Variants in NRG1 observed in about 807,000 individuals in gnomAD.
NRG1 encodes neuregulin 1, also known as pro-neuregulin-1, membrane-bound isoform.
Under a neutral mutation model 63.8 loss-of-function variants are expected in NRG1, and 18 were observed. The ratio of observed to expected loss-of-function variants is 0.28; its 90% CI spans 0.19 to 0.42. The LOEUF is 0.42. Among genes scored for constraint, NRG1 ranks in the 10% least tolerant of loss-of-function variants. The pLI is 1.00. For synonymous variants in NRG1, 302 were observed against 301.3 expected, an observed-to-expected ratio of 1.00 and a Z score of -0.02; for missense variants, 762 against 814.7, an observed-to-expected ratio of 0.94 and a Z score of 0.79.
intron 1 of NRG1, among the ~76,000 whole-genome samples, chr8:31,984,235 T>G (rs1253940466): frequency 6.6e-6 from 1 of 152,124 alleles, no homozygotes; most frequent in East Asian, 1.9e-4. Flanking sequence ...TCTTGAACAA[T>G]GAGCAATGTA....
chr8:32,643,088 G>C (rs896066776), intron 5 of NRG1, among the ~76,000 whole-genome samples: 2 of 152,188 alleles, frequency 1.3e-5, no homozygotes, highest in African/African-American at 2.4e-5. Flanking sequence ...TATTATGAAA[G>C]TGGATCAGAA....
chr8:31,929,488 T>A (rs1834688589), intron 1 of NRG1, among the ~76,000 whole-genome samples: 1 of 151,876 alleles, frequency 6.6e-6, no homozygotes, highest in Non-Finnish European at 1.5e-5. Context: ...TATATATGTA[T>A]AAATAATATA....
chr8:32,500,818 T>A lies in NRG1; in HGVS notation c.38-95010T>A, dbSNP rs558125118. 1.4e-4 allele frequency among the ~76,000 whole-genome samples: 22 copies of A among 152,356 alleles called. No homozygotes were observed. In the East Asian group the frequency reaches 3.9e-3, roughly 27 times the overall value. ...TAGAACATTAAATAACCAGCAAGGTTTCAATCAAAAAGGCCATAAAAATTA... is the reference window on the plus strand; with the variant it reads ...TAGAACATTAAATAACCAGCAAGGTATCAATCAAAAAGGCCATAAAAATTA... On this transcript the variant is annotated intron_variant, in intron 1 of 10. Coordinates refer to the NRG1 transcript ENST00000519301.
chr8:32,678,444 T>C (rs555162778), intron 5 of NRG1, among the ~76,000 whole-genome samples: 1 of 152,186 alleles, frequency 6.6e-6, no homozygotes, highest in Admixed American at 6.6e-5. Context: ...ACATAGACTT[T>C]TTTTTTTCTA....
At chr8:31,808,730 A>G (rs1436933016) in intron 1 of NRG1, among the ~76,000 whole-genome samples, 1 of 152,132 alleles carries the variant, frequency 6.6e-6, no homozygotes, top group Non-Finnish European at 1.5e-5. Flanking sequence ...ACAGGACTTC[A>G]TCCCTAGAAT....
chr8:32,379,757 G>A (rs897617146), intron 1 of NRG1, among the ~76,000 whole-genome samples: 1 of 152,168 alleles, frequency 6.6e-6, no homozygotes, highest in South Asian at 2.1e-4. Context: ...GGGTTGTGTA[G>A]CTGGTTATTG....
intron 1 of NRG1, among the ~76,000 whole-genome samples, chr8:32,167,340 G>T (rs570004890): frequency 4.6e-5 from 7 of 152,172 alleles, no homozygotes; most frequent in South Asian, 2.1e-4. Context: ...ATTTTCATTT[G>T]TTTTATCCAC....
At chr8:31,667,135 T>G (rs1248964743) in intron 1 of NRG1, among the ~76,000 whole-genome samples, 1 of 152,112 alleles carries the variant, frequency 6.6e-6, no homozygotes, top group Admixed American at 6.6e-5. Flanking sequence ...TCATTGCCAG[T>G]TGATGATTGT....
chr8:31,647,794 C>T (rs954130019), intron 1 of NRG1, among the ~76,000 whole-genome samples: 6 of 152,192 alleles, frequency 3.9e-5, no homozygotes, highest in Non-Finnish European at 7.3e-5. Flanking sequence ...AGATGGGTCA[C>T]ATCTTGTCCT....
intron 3 of NRG1, 157 bp from the exon 4 acceptor site, chr8:32,614,357 A>G (rs1159902088): frequency 3.6e-6 from 2 of 555,050 alleles, no homozygotes; most frequent in Non-Finnish European, 3.2e-6. Flanking sequence ...GTCTTTCTGC[A>G]TTTCTCACTC....
chr8:32,713,477 A>G (rs541391133), intron 5 of NRG1, among the ~76,000 whole-genome samples: 8 of 152,094 alleles, frequency 5.3e-5, no homozygotes, highest in African/African-American at 1.9e-4. Flanking sequence ...TGAACTTCAA[A>G]TTCATTGTCT....
intron 1 of NRG1, among the ~76,000 whole-genome samples, chr8:32,520,275 CT>C (rs1428706267): frequency 1.3e-5 from 2 of 151,926 alleles, no homozygotes; most frequent in Non-Finnish European, 2.9e-5. Flanking sequence ...AATACTCCCA[CT>C]TCTGCCTGTA....
At chr8:32,210,164 T>G (rs1400574049) in intron 1 of NRG1, among the ~76,000 whole-genome samples, 1 of 152,222 alleles carries the variant, frequency 6.6e-6, no homozygotes, top group Non-Finnish European at 1.5e-5. Flanking sequence ...CATTTTGGTC[T>G]CAGAGTCCCT....
In NRG1 at chr8:31,880,648, G is replaced by A. The variant is rs528319059; in HGVS notation, c.37+241217G>A. The stretch of plus-strand genomic sequence containing the variant: ...ACATATGAAGACTTTGATGTTTAAC[G>A]TCATCCACACAAAGTTAGGCAAAAG... On this transcript the variant is annotated intron_variant, in intron 1 of 10. Coordinates refer to the NRG1 transcript ENST00000519301. Among the ~76,000 whole-genome samples the A allele has an allele frequency of 2.6e-5, 4 of 152,212 alleles. No homozygotes were observed. The South Asian group carries it at 6.2e-4, about 24-fold the overall frequency.
chr8:32,759,424 C>A, exon 10 of NRG1: 1 of 1,613,332 alleles, frequency 6.2e-7, no homozygotes, highest in Non-Finnish European at 8.5e-7. Context: ...GTCACCCAGA[C>A]TCCTAGCCAC....
chr8:31,898,477 A>G (rs1425169211), intron 1 of NRG1, among the ~76,000 whole-genome samples: 1 of 152,180 alleles, frequency 6.6e-6, no homozygotes, highest in Non-Finnish European at 1.5e-5. Flanking sequence ...TGGAAATAAT[A>G]TTTGATTTCA....
intron 1 of NRG1, among the ~76,000 whole-genome samples, chr8:32,001,749 C>G (rs1563667716): frequency 1.3e-5 from 2 of 151,880 alleles, no homozygotes; most frequent in Admixed American, 1.3e-4. Context: ...TTCCTAAGTA[C>G]CAGACTGGCG....
chr8:31,999,013 A>G (rs1249959560), intron 1 of NRG1, among the ~76,000 whole-genome samples: 1 of 151,926 alleles, frequency 6.6e-6, no homozygotes, highest in African/African-American at 2.4e-5. Context: ...GGTTGGGTAT[A>G]CTTCGTAAAA....
intron 1 of NRG1, chr8:32,098,559 A>G (rs1587130605): frequency 6.6e-6 from 1 of 152,320 alleles, no homozygotes; most frequent in East Asian, 1.9e-4. Context: ...TGACTCCATT[A>G]AATTGTCTGA....
Sources: allele counts gnomAD v4.1 joint callset (sites outside exome capture counted in the v4.1 genomes callset), GRCh38; gene constraint gnomAD v4.1.1; transcripts MANE v1.5; gene names NCBI Gene and HGNC (gene_info 2026-07-23, HGNC 2026-07-21).